The following TMPRSS15 variants were observed in gnomAD, a reference collection of about 807,000 sequenced individuals.
TMPRSS15 encodes transmembrane serine protease 15, also known as enteropeptidase.
TMPRSS15 carries 128 observed loss-of-function variants against 125.3 expected under a neutral mutation model. The ratio of observed to expected loss-of-function variants is 1.02; its 90% CI spans 0.89 to 1.18. The LOEUF is 1.18. Ranked by LOEUF, TMPRSS15 falls within the 50% of genes most tolerant of loss-of-function variation. The probability of loss-of-function intolerance (pLI) is 0.00; values close to 1 mark genes in which losing one functional copy is unlikely to be tolerated. For missense variants in TMPRSS15, 1,283 were observed against 1,212.7 expected (o/e 1.06, Z -0.86); for synonymous variants, 446 against 423.2 (o/e 1.05, Z -0.66).
intron 1 of TMPRSS15, among the ~76,000 whole-genome samples, chr21:18,401,137 T>A (rs1016607900): frequency 6.6e-6 from 1 of 152,210 alleles, no homozygotes; most frequent in South Asian, 2.1e-4. Context: ...GATAGAAATG[T>A]AAATTAGTTC....
chr21:18,276,851 C>T (rs1245642821), intron 23 of TMPRSS15, among the ~76,000 whole-genome samples: 1 of 151,042 alleles, frequency 6.6e-6, no homozygotes, highest in African/African-American at 2.4e-5. Flanking sequence ...CCTCCGCCTC[C>T]TGGGTTCAAG....
At chr21:18,415,927 GAACT>G (rs2076178919) in intron 1 of TMPRSS15, among the ~76,000 whole-genome samples, 1 of 151,880 alleles carries the variant, frequency 6.6e-6, no homozygotes, top group Non-Finnish European at 1.5e-5. Context: ...CAAAATGTTA[GAACT>G]AATAAACAAA....
rs1555911452 is a variant in TMPRSS15 at position 18,413,293 on chromosome 21, T to TTTC, written c.11-14965_11-14964insGAA. On this transcript the variant is annotated intron_variant, in intron 1 of 7. Coordinates refer to the TMPRSS15 transcript ENST00000422787. ...CTTTCTTTTTCTTTTTCTTTCTTTC[T>TTTC]TTTCTTTCTTTTCTTTCTTTTCCTT... Among the ~76,000 whole-genome samples the TTTC allele has an allele frequency of 3.2e-3, 443 of 139,452 alleles. 7 individuals carry two copies. The highest frequency in any genetic ancestry group is 0.012 in the African/African-American group (436 of 36,792). 91.5% of individuals were successfully genotyped at this position (139,452 alleles called of 152,430 possible).
intron 1 of TMPRSS15, among the ~76,000 whole-genome samples, chr21:18,442,139 T>G (rs1365521047): frequency 6.6e-6 from 1 of 152,210 alleles, no homozygotes; most frequent in Admixed American, 6.5e-5. Context: ...AATAATACTG[T>G]TTTACTTTAA....
At chr21:18,442,032 T>A (rs144028908) in intron 1 of TMPRSS15, among the ~76,000 whole-genome samples, 76 of 152,268 alleles carry the variant, frequency 5.0e-4, no homozygotes, top group Admixed American at 3.2e-3. Flanking sequence ...ATCAAAGTTG[T>A]TCCTTAGTTT....
At chr21:18,373,787 G>T (rs1276434560) in intron 5 of TMPRSS15, among the ~76,000 whole-genome samples, 6 of 152,110 alleles carry the variant, frequency 3.9e-5, no homozygotes, top group Non-Finnish European at 8.8e-5. Context: ...TTGAACTCTT[G>T]ATTAGACCCC....
chr21:18,402,203 AC>A (rs952146746), intron 1 of TMPRSS15, among the ~76,000 whole-genome samples: 4 of 152,188 alleles, frequency 2.6e-5, no homozygotes, highest in African/African-American at 9.6e-5. Context: ...AAAATAGCTA[AC>A]CCAACAATTG....
chr21:18,454,293 G>C (rs28627767), intron 1 of TMPRSS15, among the ~76,000 whole-genome samples: 2,639 of 152,178 alleles, frequency 0.017, 66 homozygotes, highest in African/African-American at 0.06. Context: ...CTGATGCGAT[G>C]TTTCCTTCCA....
At position 18,409,622 on chromosome 21, in the gene TMPRSS15, G is replaced by T. The variant is rs534022752; in HGVS notation, c.11-11293C>A. ...ATTTACAAATTTGTGTAATGCTGTT[G>T]CTTTGTTGTAATTGATTTTCATAAT... On this transcript the variant is annotated intron_variant, in intron 1 of 7. Coordinates refer to the TMPRSS15 transcript ENST00000422787. Among the ~76,000 whole-genome samples, 14 of 151,826 alleles carry T rather than the reference G, an allele frequency of 9.2e-5. 1 individual carries two copies. The highest frequency in any genetic ancestry group is 4.2e-4 in the South Asian group (2 of 4,816).
In TMPRSS15 at chr21:18,297,729, C is replaced by T; in HGVS notation, c.2261+5G>A. 1.2e-6 allele frequency: 2 copies of T among 1,609,186 alleles called. No individual in the cohort carries two copies. The highest frequency in any genetic ancestry group is 1.7e-6 in the Non-Finnish European group (2 of 1,175,574). On this transcript the variant is annotated splice_donor_5th_base_variant and intron_variant, in intron 19 of 24. Transcript: ENST00000284885. Reference sequence around the variant, plus strand: ...ACTAGTCTAAGAACAGATTTAGGGACCCACCTGGGTGTTAGTATTAAGTGG... The same window carrying T: ...ACTAGTCTAAGAACAGATTTAGGGATCCACCTGGGTGTTAGTATTAAGTGG...
chr21:18,333,184 C>A (rs903609050), intron 13 of TMPRSS15, among the ~76,000 whole-genome samples: 9 of 152,098 alleles, frequency 5.9e-5, no homozygotes, highest in African/African-American at 2.2e-4. Flanking sequence ...ATCTGTACAA[C>A]CAACCTCCAT....
chr21:18,435,999 G>A (rs1347791546), intron 1 of TMPRSS15, among the ~76,000 whole-genome samples: 1 of 148,746 alleles, frequency 6.7e-6, no homozygotes, highest in Non-Finnish European at 1.5e-5. Flanking sequence ...ATTTTTTATT[G>A]CATCTATTTG....
At chr21:18,386,161 T>A (rs1178981117) in intron 3 of TMPRSS15, among the ~76,000 whole-genome samples, 2 of 152,176 alleles carry the variant, frequency 1.3e-5, no homozygotes, top group Admixed American at 1.3e-4. Context: ...CAGAAGGTAA[T>A]TACTCTATTT....
At chr21:18,280,593 A>AAAAAAAAAAAAAAAAAAAAAC (rs1267521488) in intron 22 of TMPRSS15, among the ~76,000 whole-genome samples, 3 of 143,676 alleles carry the variant, frequency 2.1e-5, no homozygotes, top group African/African-American at 8.4e-5. Flanking sequence ...AAAAAAAAAA[A>AAAAAAAAAAAAAAAAAAAAAC]AACAACAAAA....
At chr21:18,371,953 TTC>T (rs2075795385) in intron 6 of TMPRSS15, among the ~76,000 whole-genome samples, 1 of 152,068 alleles carries the variant, frequency 6.6e-6, no homozygotes, top group South Asian at 2.1e-4. Context: ...TCAAATGGAA[TTC>T]TGTTTAATTA....
At chr21:18,476,905 CTTTT>C (rs199599102) in intron 1 of TMPRSS15, among the ~76,000 whole-genome samples, 4 of 144,150 alleles carry the variant, frequency 2.8e-5, no homozygotes, top group Admixed American at 7.0e-5. Context: ...TTCTCTCTCT[CTTTT>C]TTTTTTTATT....
At chr21:18,291,616 G>A (rs2074835836) in intron 21 of TMPRSS15, among the ~76,000 whole-genome samples, 1 of 152,058 alleles carries the variant, frequency 6.6e-6, no homozygotes, top group Admixed American at 6.6e-5. Context: ...GCACAATTAG[G>A]CTTTTAAAGA....
chr21:18,436,992 A>G (rs1048077215), intron 1 of TMPRSS15, among the ~76,000 whole-genome samples: 4 of 142,424 alleles, frequency 2.8e-5, no homozygotes, highest in African/African-American at 1.1e-4. Context: ...TTCATATGGA[A>G]CCAAAAAAGA....
At chr21:18,318,599 G>A (rs1283465892) in intron 16 of TMPRSS15, among the ~76,000 whole-genome samples, 1 of 152,146 alleles carries the variant, frequency 6.6e-6, no homozygotes, top group Non-Finnish European at 1.5e-5. Context: ...TGATATAAAA[G>A]TGTTGATATT....
Sources: allele counts gnomAD v4.1 joint callset (sites outside exome capture counted in the v4.1 genomes callset), GRCh38; gene constraint gnomAD v4.1.1; transcripts MANE v1.5; gene names NCBI Gene and HGNC (gene_info 2026-07-23, HGNC 2026-07-21).